The following GALNT13 variants were observed in gnomAD, a reference collection of about 807,000 sequenced individuals.
GALNT13 encodes polypeptide N-acetylgalactosaminyltransferase 13.
In GALNT13, 28 loss-of-function variants were observed where a neutral mutation model predicts 64.2. That is an observed-to-expected ratio of 0.44 (90% CI 0.32 to 0.60). The LOEUF (loss-of-function observed/expected upper bound fraction) is 0.60. Among genes scored for constraint, GALNT13 ranks in the 20% least tolerant of loss-of-function variants. The probability of loss-of-function intolerance (pLI) is 0.05; values close to 1 mark genes in which losing one functional copy is unlikely to be tolerated. For missense variants in GALNT13, 577 were observed against 669.8 expected (o/e 0.86, Z 1.53); for synonymous variants, 214 against 224.6 (o/e 0.95, Z 0.42).
chr2:153,328,291 C>T, the GALNT13 span, among the ~76,000 whole-genome samples: 1 of 152,174 alleles, frequency 6.6e-6, no homozygotes, highest in Non-Finnish European at 1.5e-5. Flanking sequence ...CAGGGACCCA[C>T]CTGAGGAGGC....
the GALNT13 span, among the ~76,000 whole-genome samples, chr2:153,595,680 C>T: frequency 2.6e-5 from 4 of 151,958 alleles, no homozygotes; most frequent in South Asian, 4.1e-4. Flanking sequence ...ATTTGTTAAA[C>T]TTTAATATCT....
At chr2:153,799,825 G>C in the GALNT13 span, among the ~76,000 whole-genome samples, 10 of 152,072 alleles carry the variant, frequency 6.6e-5, no homozygotes, top group Non-Finnish European at 2.9e-5. Context: ...ATAGGGCCCG[G>C]TCATTCAGCC....
chr2:154,361,758 T>C lies in GALNT13; in HGVS notation c.1157-34233T>C, dbSNP rs1697081598. ...TTCTGGGCCTTTGAATGTCAAAAAC[T>C]AGGCCTGTGTCATTCTAATAAGCAT... On this transcript the variant is annotated intron_variant, in intron 9 of 12. Transcript: ENST00000392825. Among the ~76,000 whole-genome samples the C allele has an allele frequency of 3.3e-5, 5 of 152,222 alleles. No individual in the cohort carries two copies. The South Asian group carries it at 1.0e-3, about 32-fold the overall frequency.
intron 2 of GALNT13, among the ~76,000 whole-genome samples, chr2:153,914,589 T>C (rs943160184): frequency 2.0e-5 from 3 of 152,296 alleles, no homozygotes; most frequent in South Asian, 2.1e-4. Context: ...TTCTTAATTA[T>C]AGTTAGGTTT....
the GALNT13 span, among the ~76,000 whole-genome samples, chr2:153,468,492 A>G: frequency 5.9e-5 from 9 of 152,126 alleles, no homozygotes; most frequent in Admixed American, 2.0e-4. Flanking sequence ...TTGGAAGTAA[A>G]TGTTTACAGA....
chr2:153,944,157 C>A (rs556444037), intron 2 of GALNT13, among the ~76,000 whole-genome samples: 4 of 151,916 alleles, frequency 2.6e-5, no homozygotes, highest in Non-Finnish European at 5.9e-5. Flanking sequence ...TTAAAGGAAT[C>A]AAGTAGTTTG....
At chr2:154,281,040 C>G (rs1691936095) in intron 8 of GALNT13, among the ~76,000 whole-genome samples, 1 of 152,094 alleles carries the variant, frequency 6.6e-6, no homozygotes, top group Non-Finnish European at 1.5e-5. Context: ...ACTGAAAATA[C>G]TTTCAAAGCC....
the GALNT13 span, among the ~76,000 whole-genome samples, chr2:153,855,218 A>C: frequency 6.6e-6 from 1 of 152,214 alleles, no homozygotes; most frequent in East Asian, 1.9e-4. Flanking sequence ...TACAGATTCA[A>C]GTGTCAAAGG....
chr2:154,383,367 T>C (rs1414956510), intron 9 of GALNT13, among the ~76,000 whole-genome samples: 3 of 151,846 alleles, frequency 2.0e-5, no homozygotes, highest in Non-Finnish European at 4.4e-5. Flanking sequence ...TAAATAGAAA[T>C]CTTTAGATGT....
the GALNT13 span, among the ~76,000 whole-genome samples, chr2:153,133,762 C>T: frequency 6.6e-6 from 1 of 150,396 alleles, no homozygotes; most frequent in Non-Finnish European, 1.5e-5. Flanking sequence ...GTCATCAAGT[C>T]TGACAAAATG....
chr2:153,105,738 C>T, the GALNT13 span, among the ~76,000 whole-genome samples: 3 of 151,802 alleles, frequency 2.0e-5, no homozygotes, highest in East Asian at 1.9e-4. Flanking sequence ...AGACAGAGAG[C>T]CAAATCATGG....
chr2:154,301,212 A>G lies in GALNT13; in HGVS notation c.976-197A>G, dbSNP rs10490531. Among the ~76,000 whole-genome samples, 6,196 of 152,266 alleles carry G rather than the reference A, an allele frequency of 0.041. 185 individuals carry two copies. Among genetic ancestry groups the G allele is most frequent in the Non-Finnish European group, 0.058 (3,978 of 68,018 alleles). The stretch of plus-strand genomic sequence containing the variant: ...AATGTGTCTTACCTCCATAATTCCA[A>G]TGCTACAAGTATTTAAATATATCAA... On this transcript the variant is annotated intron_variant, in intron 8 of 12. Coordinates refer to ENST00000392825, the MANE Select transcript of GALNT13 (RefSeq NM_052917.4).
the GALNT13 span, among the ~76,000 whole-genome samples, chr2:153,732,008 C>CT: frequency 9.9e-5 from 15 of 152,008 alleles, no homozygotes; most frequent in African/African-American, 2.4e-5. Flanking sequence ...AGAATGCTCT[C>CT]TTTTTTCATT....
intron 3 of GALNT13, among the ~76,000 whole-genome samples, chr2:154,049,458 T>A: frequency 6.8e-6 from 1 of 147,332 alleles, no homozygotes; most frequent in East Asian, 1.9e-4. Flanking sequence ...TATATATATA[T>A]AATGGTATAT....
chr2:153,690,429 G>A, the GALNT13 span, among the ~76,000 whole-genome samples: 2 of 152,098 alleles, frequency 1.3e-5, no homozygotes, highest in African/African-American at 4.8e-5. Context: ...CTGGGTTCAA[G>A]ATTTGTGAGA....
the GALNT13 span, among the ~76,000 whole-genome samples, chr2:153,377,138 G>A: frequency 6.6e-6 from 1 of 152,170 alleles, no homozygotes; most frequent in African/African-American, 2.4e-5. Flanking sequence ...GGATGTACAT[G>A]CACAGAGGAT....
intron 6 of GALNT13, among the ~76,000 whole-genome samples, chr2:154,244,826 A>G (rs186379021): frequency 2.0e-5 from 3 of 152,298 alleles, no homozygotes; most frequent in Admixed American, 1.3e-4. Flanking sequence ...TCTTACTTTA[A>G]GAAAAATGGG....
At chr2:153,872,368 C>A (rs1288305035) in intron 1 of GALNT13, 65 bp downstream of exon 1, 2 of 152,278 alleles carry the variant, frequency 1.3e-5, no homozygotes, top group East Asian at 3.9e-4. Flanking sequence ...TCCCTCTGGG[C>A]TGCCAGAGTG....
the GALNT13 span, among the ~76,000 whole-genome samples, chr2:153,772,597 AC>A: frequency 6.6e-6 from 1 of 152,254 alleles, no homozygotes; most frequent in South Asian, 2.1e-4. Flanking sequence ...ATCTTTATGC[AC>A]TGTTTTGCTA....
Sources: gnomAD v4.1 joint callset for allele counts (sites outside exome capture counted in the v4.1 genomes callset) on GRCh38, gnomAD v4.1.1 for gene constraint, MANE v1.5 for transcripts, NCBI Gene and HGNC (gene_info 2026-07-23, HGNC 2026-07-21) for gene names.